The following ITGA2 variants were observed in gnomAD, a reference collection of about 807,000 sequenced individuals.
ITGA2 encodes integrin subunit alpha 2.
A neutral mutation model predicts 146.3 loss-of-function variants in ITGA2; 101 were observed. That is an observed-to-expected ratio of 0.69 (90% CI 0.59 to 0.81). The LOEUF (loss-of-function observed/expected upper bound fraction) is 0.81. Ranked by LOEUF, ITGA2 falls within the 40% of genes least tolerant of loss-of-function variation. ITGA2 has a pLI of 0.00. For missense variants in ITGA2, 1,281 were observed against 1,402.7 expected (o/e 0.91, Z 1.39); for synonymous variants, 477 against 487.1 (o/e 0.98, Z 0.27).
rs1297733905 is a variant in ITGA2, at chr5:53,072,713, G to C, written c.2429+18G>C. The C allele has an allele frequency of 6.3e-7, 1 of 1,576,846 alleles. No individual in the cohort carries two copies. The highest frequency in any genetic ancestry group is 1.7e-5 in the Admixed American group (1 of 59,288). On this transcript the variant is annotated intron_variant, in intron 19 of 29. Transcript: ENST00000296585. ...GCTGCTCAGTAAGTTTTACTTTAAAGCTTGTTGTAAAATGTAGAAATAAAA... is the reference window on the plus strand; with the variant it reads ...GCTGCTCAGTAAGTTTTACTTTAAACCTTGTTGTAAAATGTAGAAATAAAA...
chr5:53,080,378 G>C, intron 24 of ITGA2, 133 bp from the exon 25 acceptor site: 2 of 751,074 alleles, frequency 2.7e-6, no homozygotes, highest in East Asian at 2.6e-5. Context: ...TGACTATAAA[G>C]TAATGGCTGA....
chr5:53,017,412 C>G (rs897165061), intron 1 of ITGA2, among the ~76,000 whole-genome samples: 2 of 152,240 alleles, frequency 1.3e-5, no homozygotes, highest in Admixed American at 6.5e-5. Context: ...ATTGGGCCCC[C>G]CCGCTTTGTT....
chr5:53,078,930 A>T (rs897802112), intron 24 of ITGA2, 56 bp downstream of exon 24: 5 of 961,124 alleles, frequency 5.2e-6, no homozygotes, highest in Middle Eastern at 2.1e-4. Flanking sequence ...AAGAAAAAAA[A>T]TGAGTCTGGA....
chr5:53,081,898 C>T (rs1745941214), intron 26 of ITGA2, among the ~76,000 whole-genome samples: 1 of 152,144 alleles, frequency 6.6e-6, no homozygotes, highest in African/African-American at 2.4e-5. Flanking sequence ...TTGCACCAAC[C>T]TAATATGTGG....
At chr5:53,062,398 C>T (rs1041808900) in intron 12 of ITGA2, among the ~76,000 whole-genome samples, 1 of 151,878 alleles carries the variant, frequency 6.6e-6, no homozygotes, top group Non-Finnish European at 1.5e-5. Flanking sequence ...TTTGCTATGA[C>T]AAACCTCACA....
At chr5:53,071,444 C>A (rs1324275019) in intron 17 of ITGA2, among the ~76,000 whole-genome samples, 1 of 151,760 alleles carries the variant, frequency 6.6e-6, no homozygotes, top group Non-Finnish European at 1.5e-5. Context: ...AAGCCCGCAG[C>A]CAGCCAAGGA....
Position 53,064,986 on chromosome 5 carries a change from A to C in ITGA2, c.1677A>C (p.Ala559=). Residue 559 remains alanine (A), a synonymous_variant, in exon 14 of 30, where the codon GCA becomes GCC. Transcript: ENST00000296585. ...IENTRFGSAI[A]ALSDINMDGF... is the part of the protein sequence containing the mutation. ...ACACTCGATTTGGTTCAGCAATTGC[A>C]GCTCTTTCAGACATCAACATGGATG... is the stretch of plus-strand genomic sequence containing the variant. 1.2e-6 allele frequency: 2 copies of C among 1,612,992 alleles called. No individual in the cohort carries two copies. The highest frequency in any genetic ancestry group is 1.7e-6 in the Non-Finnish European group (2 of 1,179,264).
chr5:53,038,445 G>A (rs1433472096), intron 2 of ITGA2, among the ~76,000 whole-genome samples: 2 of 152,082 alleles, frequency 1.3e-5, no homozygotes, highest in Non-Finnish European at 2.9e-5. Flanking sequence ...GTGTAGCCTA[G>A]GCCCCACAGT....
At chr5:53,057,840 G>T (rs547248954) in intron 9 of ITGA2, among the ~76,000 whole-genome samples, 185 bp from the exon 10 acceptor site, 1 of 151,886 alleles carries the variant, frequency 6.6e-6, no homozygotes, top group South Asian at 2.1e-4. Context: ...TAACCTGCTA[G>T]AACACTTTCT....
At chr5:53,012,804 AGAT>A (rs1561089657) in intron 1 of ITGA2, among the ~76,000 whole-genome samples, 2 of 152,142 alleles carry the variant, frequency 1.3e-5, no homozygotes. Context: ...GACTGGTATG[AGAT>A]GATATCTCAC....
intron 2 of ITGA2, among the ~76,000 whole-genome samples, chr5:53,031,303 T>C (rs531934281): frequency 1.2e-4 from 18 of 152,346 alleles, no homozygotes; most frequent in African/African-American, 4.3e-4. Context: ...ATGTAATACA[T>C]GCACACACAC....
chr5:53,033,908 C>T (rs1379774888), intron 2 of ITGA2, among the ~76,000 whole-genome samples: 3 of 151,926 alleles, frequency 2.0e-5, no homozygotes, highest in Admixed American at 6.6e-5. Context: ...AAACTACAAG[C>T]GCCCACCACC....
intron 6 of ITGA2, 81 bp from the exon 7 acceptor site, chr5:53,051,330 T>C: frequency 5.4e-6 from 8 of 1,468,822 alleles, no homozygotes; most frequent in Non-Finnish European, 7.6e-6. Flanking sequence ...TAAATGTACT[T>C]TTGATTTTTA....
At chr5:53,041,987 A>G in intron 2 of ITGA2, 125 bp from the exon 3 acceptor site, 1 of 714,078 alleles carries the variant, frequency 1.4e-6, no homozygotes, top group Non-Finnish European at 2.5e-6. Context: ...AGGTCAAATC[A>G]TAGCTGAACA....
chr5:53,081,458 G>C (rs1180695178), intron 25 of ITGA2, 134 bp from the exon 26 acceptor site: 12 of 718,362 alleles, frequency 1.7e-5, no homozygotes, highest in Non-Finnish European at 2.8e-5. Context: ...GTGTGGCCAG[G>C]TCAGTGGCGT....
chr5:53,082,499 C>T (rs1475590241), intron 26 of ITGA2, among the ~76,000 whole-genome samples: 1 of 152,104 alleles, frequency 6.6e-6, no homozygotes, highest in East Asian at 1.9e-4. Flanking sequence ...GCCAATGTGT[C>T]ATAGATTTTC....
intron 25 of ITGA2, among the ~76,000 whole-genome samples, 171 bp from the exon 26 acceptor site, chr5:53,081,421 T>C (rs1208091937): frequency 6.6e-5 from 10 of 152,218 alleles, no homozygotes; most frequent in Admixed American, 2.0e-4. Context: ...ATTTAAATAC[T>C]TGATGTTCAC....
In ITGA2 at chr5:53,048,466, C is replaced by T; in HGVS notation, c.491C>T (p.Pro164Leu). 1 of 1,614,004 alleles carries T rather than the reference C, an allele frequency of 6.2e-7. No homozygotes were observed. Among genetic ancestry groups the T allele is most frequent in the African/African-American group, 1.3e-5 (1 of 75,036 alleles). ...TTTCAGCTCTCAGCCAGCTTCTCAC[C>T]TGCAACTCAGCGTAAGTTATTAATG... Reference protein sequence around the residue: ...PDFQLSASFSPATQPCPSLID... With the variant: ...PDFQLSASFSLATQPCPSLID... The change falls in exon 5 of 30, where the codon CCT becomes CTT. Residue 164 changes from proline (P) to leucine (L), a missense_variant. This residue lies in a region of ITGA2 where 795 missense variants were observed against 841.7 expected (regional missense o/e 0.94). Coordinates refer to ENST00000296585, the MANE Select transcript of ITGA2 (RefSeq NM_002203.4).
At position 53,070,253 on chromosome 5, in the gene ITGA2, A is replaced by C. The variant is rs770074507; in HGVS notation, c.2228A>C (p.Tyr743Ser). ...CAGAGTTGCCCCGAGCACATCATTT[A>C]TATACAGGTAAGGCCTCAGGAACAT... ...QAQSCPEHII[Y>S]IQEPSDVVNS... The change falls in exon 17 of 30, where the codon TAT (tyrosine) becomes TCT (serine). Residue 743 changes from tyrosine (Y) to serine (S), a missense_variant. Coordinates refer to ENST00000296585, the MANE Select transcript of ITGA2 (RefSeq NM_002203.4). 1 of 1,611,704 alleles carries C rather than the reference A, an allele frequency of 6.2e-7. No individual in the cohort carries two copies. The highest frequency in any genetic ancestry group is 8.5e-7 in the Non-Finnish European group (1 of 1,178,434).
Sources: gnomAD v4.1 joint callset for allele counts (sites outside exome capture counted in the v4.1 genomes callset) on GRCh38, gnomAD v4.1.1 for gene constraint, gnomAD v4.1.1 regional missense constraint, MANE v1.5 for transcripts, NCBI Gene and HGNC (gene_info 2026-07-23, HGNC 2026-07-21) for gene names.